The following CTNNAL1 variants were observed in gnomAD, a reference collection of about 807,000 sequenced individuals.
CTNNAL1 encodes the protein alpha-catulin.
CTNNAL1 carries 69 observed loss-of-function variants against 93.6 expected under a neutral mutation model. The ratio of observed to expected loss-of-function variants is 0.74; its 90% CI spans 0.61 to 0.90. The LOEUF (loss-of-function observed/expected upper bound fraction) is 0.90. Among genes scored for constraint, CTNNAL1 ranks in the 40% least tolerant of loss-of-function variants. The pLI is 0.00. For missense variants in CTNNAL1, 836 were observed against 862.0 expected, an observed-to-expected ratio of 0.97 and a Z score of 0.38; for synonymous variants, 286 against 305.4, an observed-to-expected ratio of 0.94 and a Z score of 0.66.
intron 1 of CTNNAL1, among the ~76,000 whole-genome samples, chr9:109,001,062 C>T (rs1826804204): frequency 6.8e-6 from 1 of 147,604 alleles, no homozygotes; most frequent in African/African-American, 2.5e-5. Context: ...ATCCCAGCTA[C>T]TTGGGAGGCT....
intron 4 of CTNNAL1, among the ~76,000 whole-genome samples, chr9:108,988,014 C>T (rs1422599908): frequency 1.3e-5 from 2 of 152,176 alleles, no homozygotes; most frequent in African/African-American, 4.8e-5. Flanking sequence ...ATTGAACACC[C>T]TTTATTTCCT....
chr9:108,982,019 A>G (rs1203947117), intron 6 of CTNNAL1, among the ~76,000 whole-genome samples: 2 of 152,220 alleles, frequency 1.3e-5, no homozygotes, highest in African/African-American at 2.4e-5. Flanking sequence ...GGGAACCTTT[A>G]GCATTTGGAT....
chr9:108,961,827 T>A (rs964625921), intron 11 of CTNNAL1, among the ~76,000 whole-genome samples: 1 of 152,184 alleles, frequency 6.6e-6, no homozygotes, highest in Non-Finnish European at 1.5e-5. Flanking sequence ...GCTGGCCCCA[T>A]CCTCAGCCAA....
At chr9:108,972,864 G>GGGGGGCCCCCCCCCCCCCCC in intron 8 of CTNNAL1, 31 bp from the exon 9 acceptor site, 1 of 142,554 alleles carries the variant, frequency 7.0e-6, no homozygotes, top group Non-Finnish European at 1.0e-5. Context: ...GGGGGGGTGG[G>GGGGGGCCCCCCCCCCCCCCC]AGGGTGGAGA....
chr9:108,967,503 T>C (rs1183847871), intron 10 of CTNNAL1, among the ~76,000 whole-genome samples: 2 of 152,198 alleles, frequency 1.3e-5, no homozygotes, highest in Non-Finnish European at 2.9e-5. Flanking sequence ...TAAATGTCCC[T>C]GGCTTCATGG....
chr9:108,965,438 G>T lies in CTNNAL1; in HGVS notation c.1531C>A (p.Gln511Lys). ...LDVFCEAWES[Q>K]ISDMSTLLRE... is the part of the protein sequence containing the mutation. ...AGCAGTGTTGACATGTCACTAATTT[G>T]GGATTCCCAAGCTTCACAAAATACA... Residue 511 changes from glutamine (Q) to lysine (K), a missense_variant, in exon 11 of 19, where the codon CAA (glutamine) becomes AAA (lysine). Physicochemically the swap from Gln to Lys is moderately conservative, Grantham distance 53 (BLOSUM62 1). Transcript: ENST00000325551. The T allele has an allele frequency of 6.3e-7, 1 of 1,593,714 alleles. No homozygotes were observed. The highest frequency in any genetic ancestry group is 8.5e-7 in the Non-Finnish European group (1 of 1,170,694).
intron 1 of CTNNAL1, among the ~76,000 whole-genome samples, chr9:109,013,081 G>C (rs1022173107): frequency 1.3e-5 from 2 of 152,162 alleles, no homozygotes; most frequent in African/African-American, 4.8e-5. Flanking sequence ...CCCTGCTGCC[G>C]AGTCCACTCA....
chr9:108,989,166 T>C (rs1831707060), intron 4 of CTNNAL1, among the ~76,000 whole-genome samples: 1 of 152,174 alleles, frequency 6.6e-6, no homozygotes, highest in Non-Finnish European at 1.5e-5. Context: ...AAAATGATGG[T>C]GAAAGTTTTT....
At chr9:108,980,573 G>T (rs1587969579) in intron 6 of CTNNAL1, among the ~76,000 whole-genome samples, 1 of 152,284 alleles carries the variant, frequency 6.6e-6, no homozygotes, top group Middle Eastern at 3.4e-3. Flanking sequence ...GAGAGTCCTT[G>T]CTTCCCCTCC....
rs775742601 is a variant in CTNNAL1, at chr9:108,952,171, T to C, written c.1835+38A>G. On this transcript the variant is annotated intron_variant, in intron 14 of 18. Transcript: ENST00000325551. ...CTTTTTTCTTTACACCAGATATCAT[T>C]ATACTGATTTAAAAAATAAAAATAC... The C allele has an allele frequency of 1.8e-5, 28 of 1,547,552 alleles. No homozygotes were observed. The South Asian group carries it at 2.5e-4, about 14-fold the overall frequency.
At chr9:109,005,139 C>A (rs188005374) in intron 1 of CTNNAL1, among the ~76,000 whole-genome samples, 1 of 151,774 alleles carries the variant, frequency 6.6e-6, no homozygotes, top group Non-Finnish European at 1.5e-5. Context: ...GAAAGAGTCA[C>A]GATAATTTTA....
chr9:109,000,938 G>A (rs905084029), intron 1 of CTNNAL1, among the ~76,000 whole-genome samples: 39 of 151,454 alleles, frequency 2.6e-4, no homozygotes, highest in African/African-American at 5.6e-4. Context: ...AGAGGCAGGC[G>A]GATCACAAGG....
intron 14 of CTNNAL1, among the ~76,000 whole-genome samples, chr9:108,951,173 GCTAA>G (rs967841814): frequency 5.3e-5 from 8 of 150,924 alleles, no homozygotes; most frequent in African/African-American, 1.7e-4. Flanking sequence ...ACCACGCCCG[GCTAA>G]CTTTTTTTTT....
intron 2 of CTNNAL1, among the ~76,000 whole-genome samples, chr9:108,996,501 T>A (rs1267895572): frequency 2.6e-5 from 4 of 152,160 alleles, no homozygotes; most frequent in Admixed American, 2.6e-4. Context: ...GTGGAGCCCA[T>A]GAAACCTGAC....
rs1482349833 is a variant in CTNNAL1 at position 108,972,686 on chromosome 9, G to T, written c.1336C>A (p.Gln446Lys). Residue 446 changes from glutamine (Q) to lysine (K), a missense_variant, in exon 9 of 19, where the codon CAG becomes AAG. Coordinates refer to ENST00000325551, the MANE Select transcript of CTNNAL1 (RefSeq NM_003798.4). Reference sequence around the variant, plus strand: ...CCTTGTTTACTCACCTCAACAAGCTGCTCTTTCTGTTCAGAGAGTTTACAG... The same window carrying T: ...CCTTGTTTACTCACCTCAACAAGCTTCTCTTTCTGTTCAGAGAGTTTACAG... ...YACKLSEQKE[Q>K]LVETCRLLRH... is the part of the protein sequence containing the mutation. 2 of 1,611,828 alleles carry T rather than the reference G, an allele frequency of 1.2e-6. No homozygotes were observed. Among genetic ancestry groups the T allele is most frequent in the South Asian group, 1.1e-5 (1 of 90,522 alleles).
chr9:108,969,303 C>T (rs1286387288), intron 10 of CTNNAL1, among the ~76,000 whole-genome samples: 2 of 151,168 alleles, frequency 1.3e-5, no homozygotes, highest in African/African-American at 4.9e-5. Context: ...CTGTCTTTAA[C>T]CATTTTCCTT....
chr9:108,955,954 A>G, intron 11 of CTNNAL1, 127 bp from the exon 12 acceptor site: 1 of 547,800 alleles, frequency 1.8e-6, no homozygotes, highest in Non-Finnish European at 3.1e-6. Context: ...ATAACAGTCT[A>G]TTCATTACAT....
chr9:109,001,957 A>C (rs942122086), intron 1 of CTNNAL1, among the ~76,000 whole-genome samples: 1 of 152,366 alleles, frequency 6.6e-6, no homozygotes, highest in African/African-American at 2.4e-5. Context: ...TGAGGCTGTA[A>C]CAAAACTTAA....
chr9:108,996,995 G>A (rs1349479516), intron 2 of CTNNAL1, among the ~76,000 whole-genome samples: 2 of 152,048 alleles, frequency 1.3e-5, no homozygotes, highest in African/African-American at 4.8e-5. Context: ...AATAATGTTT[G>A]CCAAAGTTTC....
Sources: allele counts gnomAD v4.1 joint callset (sites outside exome capture counted in the v4.1 genomes callset), GRCh38; gene constraint gnomAD v4.1.1; transcripts MANE v1.5; gene names NCBI Gene and HGNC (gene_info 2026-07-23, HGNC 2026-07-21).